FILIP1L: variants seen among roughly 807,000 people sequenced by gnomAD.
The protein encoded by FILIP1L is filamin A-interacting protein 1-like.
FILIP1L carries 55 observed loss-of-function variants against 96.6 expected under a neutral mutation model. The ratio of observed to expected loss-of-function variants is 0.57; its 90% CI spans 0.46 to 0.71. The LOEUF (loss-of-function observed/expected upper bound fraction) is 0.71, where lower values mean the gene tolerates loss of function less well. FILIP1L is among the 30% of genes least tolerant of loss of function. The pLI is 0.00. For missense variants in FILIP1L, 1,304 were observed against 1,321.2 expected (o/e 0.99, Z 0.20); for synonymous variants, 467 against 473.9 (o/e 0.99, Z 0.19).
At chr3:99,883,432 G>T (rs1184031330) in intron 4 of FILIP1L, among the ~76,000 whole-genome samples, 2 of 152,122 alleles carry the variant, frequency 1.3e-5, no homozygotes, top group Non-Finnish European at 2.9e-5. Flanking sequence ...CAAAAGGTTG[G>T]TGCTTAGAAT....
At chr3:100,013,807 A>G (rs1390204954) in intron 1 of FILIP1L, among the ~76,000 whole-genome samples, 1 of 152,204 alleles carries the variant, frequency 6.6e-6, no homozygotes, top group African/African-American at 2.4e-5. Flanking sequence ...ATCATCTCAC[A>G]TATTTTGTGG....
chr3:99,953,426 A>C (rs1347576347), intron 1 of FILIP1L, among the ~76,000 whole-genome samples: 1 of 152,170 alleles, frequency 6.6e-6, no homozygotes, highest in East Asian at 1.9e-4. Flanking sequence ...CTGAGGGTGC[A>C]GTTTGAGGTA....
At chr3:99,956,050 C>A (rs555548193) in intron 1 of FILIP1L, among the ~76,000 whole-genome samples, 1 of 152,310 alleles carries the variant, frequency 6.6e-6, no homozygotes, top group East Asian at 1.9e-4. Context: ...TGTTCATTGA[C>A]TGACACGTTT....
chr3:99,878,118 A>G (rs780895305), intron 4 of FILIP1L, among the ~76,000 whole-genome samples: 1 of 152,140 alleles, frequency 6.6e-6, no homozygotes, highest in African/African-American at 2.4e-5. Context: ...CTGGTACACT[A>G]CTTGCCTGGT....
chr3:99,833,272 G>A, intron 5 of FILIP1L: 4 of 1,607,626 alleles, frequency 2.5e-6, no homozygotes, highest in Non-Finnish European at 3.4e-6. Context: ...CTAGGGAGCA[G>A]TAGAAAGAAG....
chr3:100,003,085 G>C (rs1179689768), intron 1 of FILIP1L, among the ~76,000 whole-genome samples: 1 of 152,072 alleles, frequency 6.6e-6, no homozygotes. Flanking sequence ...CACATACTGA[G>C]GTACTGCCAT....
In FILIP1L at chr3:100,062,090, CTTCTTTTTTTTTTTTTTTTTTTTTTTT is replaced by C. The variant is rs1364212978; in HGVS notation, c.-11+51936_-11+51962del. ...TATCCACTTGTGGTTATCCTGTCTT[CTTCTTTTTTTTTTTTTTTTTTTTTTTT>C]TTTTTTTTTTTTGAGACGGAGTGTT... On this transcript the variant is annotated intron_variant, in intron 1 of 5. Coordinates refer to ENST00000477258, the MANE Select transcript of FILIP1L (RefSeq NM_001387850.1). Among the ~76,000 whole-genome samples the C allele has an allele frequency of 7.4e-5, 5 of 67,880 alleles. No homozygotes were observed. In the Admixed American group the frequency reaches 8.5e-4, roughly 12 times the overall value. 44.5% of individuals were successfully genotyped at this position (67,880 alleles called of 152,430 possible).
intron 3 of FILIP1L, among the ~76,000 whole-genome samples, chr3:99,925,154 A>G (rs1192174906): frequency 6.6e-6 from 1 of 152,216 alleles, no homozygotes; most frequent in East Asian, 1.9e-4. Context: ...CTACCAGGAC[A>G]TGCTATGATT....
At chr3:99,997,230 C>G (rs778702882) in intron 1 of FILIP1L, among the ~76,000 whole-genome samples, 5 of 152,034 alleles carry the variant, frequency 3.3e-5, no homozygotes, top group Admixed American at 2.0e-4. Flanking sequence ...CTAGACTAAC[C>G]AAGAAGAAGG....
intron 1 of FILIP1L, among the ~76,000 whole-genome samples, chr3:99,945,487 G>A (rs749302134): frequency 4.6e-5 from 7 of 152,174 alleles, no homozygotes; most frequent in Non-Finnish European, 7.4e-5. Context: ...AAGGAGGGTG[G>A]CTGCTGCTAG....
intron 1 of FILIP1L, among the ~76,000 whole-genome samples, chr3:99,995,415 G>T (rs112474817): frequency 0.053 from 8,139 of 152,206 alleles, 317 homozygotes; most frequent in Middle Eastern, 0.085. Context: ...CTCCCTCCCA[G>T]CTGCTTTCAT....
chr3:99,897,392 C>G (rs1428818732), intron 4 of FILIP1L, among the ~76,000 whole-genome samples: 1 of 151,918 alleles, frequency 6.6e-6, no homozygotes, highest in Non-Finnish European at 1.5e-5. Context: ...AGTTGGCTTA[C>G]TTGTTCTATA....
At chr3:99,955,246 A>T (rs1216812363) in intron 1 of FILIP1L, among the ~76,000 whole-genome samples, 1 of 152,210 alleles carries the variant, frequency 6.6e-6, no homozygotes, top group African/African-American at 2.4e-5. Context: ...ATGCTCACAC[A>T]GAGGATGGAA....
chr3:100,001,169 G>A (rs1349415732), intron 1 of FILIP1L, among the ~76,000 whole-genome samples: 2 of 152,196 alleles, frequency 1.3e-5, no homozygotes, highest in Non-Finnish European at 2.9e-5. Flanking sequence ...AAATTTAGTA[G>A]TAGTAGCCAT....
chr3:99,928,291 A>G (rs1707361315), intron 3 of FILIP1L, among the ~76,000 whole-genome samples: 1 of 152,184 alleles, frequency 6.6e-6, no homozygotes, highest in South Asian at 2.1e-4. Context: ...AGGATAGACA[A>G]CTGGGTTGTG....
intron 1 of FILIP1L, among the ~76,000 whole-genome samples, chr3:99,980,866 G>A (rs1709101186): frequency 6.6e-6 from 1 of 152,146 alleles, no homozygotes; most frequent in Admixed American, 6.5e-5. Flanking sequence ...CTAGGCCAGT[G>A]CTGCTTCCTT....
intron 1 of FILIP1L, among the ~76,000 whole-genome samples, chr3:99,958,744 C>T (rs1186109492): frequency 1.3e-5 from 2 of 152,132 alleles, no homozygotes; most frequent in East Asian, 3.8e-4. Context: ...CAGTGTGGAT[C>T]ATGGGGCTAG....
At chr3:99,950,057 G>T (rs1036979133) in intron 1 of FILIP1L, among the ~76,000 whole-genome samples, 3 of 152,080 alleles carry the variant, frequency 2.0e-5, no homozygotes, top group Non-Finnish European at 2.9e-5. Context: ...AGGAGGATTG[G>T]GGACAAGGTC....
chr3:100,078,419 C>T (rs1394614533), intron 1 of FILIP1L, among the ~76,000 whole-genome samples: 1 of 152,028 alleles, frequency 6.6e-6, no homozygotes, highest in Non-Finnish European at 1.5e-5. Context: ...TGTCTTAATT[C>T]TCTATTGCTA....
Sources: allele counts gnomAD v4.1 joint callset (sites outside exome capture counted in the v4.1 genomes callset), GRCh38; gene constraint gnomAD v4.1.1; transcripts MANE v1.5; gene names NCBI Gene and HGNC (gene_info 2026-07-23, HGNC 2026-07-21).